Variants in COQ10B observed in about 807,000 individuals in gnomAD.
The protein encoded by COQ10B is coenzyme Q-binding protein COQ10 homolog B, mitochondrial.
A neutral mutation model predicts 27.6 loss-of-function variants in COQ10B; 12 were observed. That is an observed-to-expected ratio of 0.43 (90% confidence interval 0.28 to 0.70). The LOEUF (loss-of-function observed/expected upper bound fraction) is 0.70, where lower values mean the gene tolerates loss of function less well. COQ10B is among the 30% of genes least tolerant of loss of function. The pLI is 0.17. For synonymous variants in COQ10B, 115 were observed against 103.0 expected, an observed-to-expected ratio of 1.12 and a Z score of -0.71; for missense variants, 278 against 288.7, an observed-to-expected ratio of 0.96 and a Z score of 0.27.
Position 197,470,165 on chromosome 2 carries a change from T to C in COQ10B, c.543T>C (p.Asp181=). The C allele has an allele frequency of 1.3e-6, 2 of 1,598,020 alleles. No individual in the cohort carries two copies. Among genetic ancestry groups the C allele is most frequent in the Non-Finnish European group, 1.7e-6 (2 of 1,165,738 alleles). Residue 181 remains aspartate, a synonymous_variant, in exon 4 of 5, where the codon GAT becomes GAC. Transcript: ENST00000263960. ...LPGYPRTCTL[D]FSISFEFRSL... ...GCTACCCAAGAACTTGTACCTTGGA[T>C]TTTTCAGTAAGTCTCATAAAGCCCT...
In COQ10B at chr2:197,460,047, A is replaced by G. The variant is rs375172756; in HGVS notation, c.220A>G (p.Lys74Glu). ...CAAAATCACTGCACCATTAATAAAC[A>G]AAAGGAAAGAATATTCAGAGAGAAG... ...FFKITAPLIN[K>E]RKEYSERRIL... Residue 74 changes from lysine (K) to glutamate (E), a missense_variant, in exon 2 of 5, where the codon AAA (lysine) becomes GAA (glutamate). Physicochemically the swap from Lys to Glu is moderately conservative, Grantham distance 56 (BLOSUM62 1). Coordinates refer to ENST00000263960, the MANE Select transcript of COQ10B (RefSeq NM_025147.5). 4 of 1,609,814 alleles carry G rather than the reference A, an allele frequency of 2.5e-6. No homozygotes were observed. Among genetic ancestry groups the G allele is most frequent in the Non-Finnish European group, 3.4e-6 (4 of 1,177,550 alleles).
intron 1 of COQ10B, among the ~76,000 whole-genome samples, chr2:197,456,765 AAAAAAATAAATAAGT>A (rs2085703864): frequency 6.6e-6 from 1 of 152,018 alleles, no homozygotes; most frequent in East Asian, 1.9e-4. Flanking sequence ...ACTCCATCTC[AAAAAAATAAATAAGT>A]AAAAAATAAA....
At chr2:197,457,139 G>A (rs552650550) in intron 1 of COQ10B, among the ~76,000 whole-genome samples, 39 of 152,134 alleles carry the variant, frequency 2.6e-4, no homozygotes, top group Non-Finnish European at 4.7e-4. Context: ...AGAATCTGAT[G>A]CCACCGCTGA....
intron 3 of COQ10B, among the ~76,000 whole-genome samples, chr2:197,468,391 C>T (rs917220987): frequency 2.1e-5 from 3 of 139,940 alleles, no homozygotes; most frequent in African/African-American, 8.1e-5. Context: ...TGCAGTGAGT[C>T]GAGATCGCGC....
chr2:197,463,540 T>C (rs908134185), intron 3 of COQ10B, among the ~76,000 whole-genome samples: 10 of 149,502 alleles, frequency 6.7e-5, no homozygotes, highest in Admixed American at 2.0e-4. Context: ...CCCAAGAAGT[T>C]GAGGCTAGAG....
At chr2:197,463,996 T>TACACACACAC (rs1241115366) in intron 3 of COQ10B, among the ~76,000 whole-genome samples, 3 of 32,854 alleles carry the variant, frequency 9.1e-5, no homozygotes, top group Admixed American at 6.9e-4. Context: ...TATATATATA[T>TACACACACAC]ACACACACAC....
rs747166466 is a variant in COQ10B, at chr2:197,470,174, A to G, written c.549+3A>G. ...GAACTTGTACCTTGGATTTTTCAGT[A>G]AGTCTCATAAAGCCCTTGATTTGTT... On this transcript the variant is annotated splice_donor_region_variant and intron_variant, in intron 4 of 4. Coordinates refer to ENST00000263960, the MANE Select transcript of COQ10B (RefSeq NM_025147.5). 5.1e-6 allele frequency: 8 copies of G among 1,554,790 alleles called. No homozygotes were observed. In the Admixed American group the frequency reaches 6.7e-5, roughly 13 times the overall value.
Position 197,457,522 on chromosome 2 carries a change from C to A in COQ10B, c.105-2410C>A, listed in dbSNP as rs546381842. ...AAGCCATCTTGCTTTTTTATATTTT[C>A]ATTCATGAAGTGTTATTTATAGCTG... On this transcript the variant is annotated intron_variant, in intron 1 of 4. Coordinates refer to ENST00000263960, the MANE Select transcript of COQ10B (RefSeq NM_025147.5). Among the ~76,000 whole-genome samples the A allele has an allele frequency of 7.3e-4, 111 of 152,210 alleles. No homozygotes were observed. The South Asian group carries it at 0.021, about 29-fold the overall frequency.
intron 4 of COQ10B, among the ~76,000 whole-genome samples, chr2:197,473,239 A>C (rs2085897247): frequency 1.3e-5 from 2 of 151,438 alleles, no homozygotes; most frequent in Middle Eastern, 6.8e-3. Flanking sequence ...CCACTGTCCT[A>C]AGTGGAGATT....
At chr2:197,454,221 A>G in intron 1 of COQ10B, 1 of 1,267,792 alleles carries the variant, frequency 7.9e-7, no homozygotes, top group South Asian at 1.6e-5. Context: ...GTAACCTTGA[A>G]GCATAGTCAG....
At chr2:197,462,198 G>C (rs980846215) in intron 2 of COQ10B, among the ~76,000 whole-genome samples, 2 of 151,470 alleles carry the variant, frequency 1.3e-5, no homozygotes, top group Non-Finnish European at 2.9e-5. Flanking sequence ...GAACCCGGGA[G>C]GTGGAGGTTG....
intron 1 of COQ10B, among the ~76,000 whole-genome samples, chr2:197,458,209 T>C (rs1446125541): frequency 6.6e-6 from 1 of 151,994 alleles, no homozygotes; most frequent in African/African-American, 2.4e-5. Flanking sequence ...TATATGTATG[T>C]ACATATGTAT....
chr2:197,461,168 C>T (rs1274857276), intron 2 of COQ10B, among the ~76,000 whole-genome samples: 1 of 152,150 alleles, frequency 6.6e-6, no homozygotes, highest in African/African-American at 2.4e-5. Flanking sequence ...TAAGGTAATG[C>T]TAACAGCCCT....
intron 1 of COQ10B, among the ~76,000 whole-genome samples, chr2:197,456,581 A>G (rs1158504692): frequency 6.6e-6 from 1 of 150,404 alleles, no homozygotes; most frequent in East Asian, 2.0e-4. Context: ...TGGCTAACAC[A>G]GTGAAACCCC....
chr2:197,458,302 A>G (rs1201312327), intron 1 of COQ10B, among the ~76,000 whole-genome samples: 2 of 152,088 alleles, frequency 1.3e-5, no homozygotes, highest in African/African-American at 4.8e-5. Context: ...ATACACACGC[A>G]CACACACAGT....
In COQ10B at chr2:197,456,955, G is replaced by C. The variant is rs111594598; in HGVS notation, c.105-2977G>C. Among the ~76,000 whole-genome samples, 1,376 of 151,458 alleles carry C rather than the reference G, an allele frequency of 9.1e-3. 26 individuals are homozygous for C. Among genetic ancestry groups the C allele is most frequent in the African/African-American group, 0.032 (1,309 of 41,314 alleles). ...CGATTTCCCAACCTTTTTGGCACCAGAGAACAGTTTTGTGGAAGACAGTTT... is the reference window on the plus strand; with the variant it reads ...CGATTTCCCAACCTTTTTGGCACCACAGAACAGTTTTGTGGAAGACAGTTT... On this transcript the variant is annotated intron_variant, in intron 1 of 4. Coordinates refer to ENST00000263960, the MANE Select transcript of COQ10B (RefSeq NM_025147.5).
At chr2:197,454,223 C>T (rs1271163313) in intron 1 of COQ10B, 11 of 1,262,964 alleles carry the variant, frequency 8.7e-6, no homozygotes, top group South Asian at 1.6e-5. Flanking sequence ...AACCTTGAAG[C>T]ATAGTCAGCT....
intron 4 of COQ10B, among the ~76,000 whole-genome samples, chr2:197,473,038 C>A (rs1422774182): frequency 6.6e-6 from 1 of 152,016 alleles, no homozygotes; most frequent in African/African-American, 2.4e-5. Context: ...TTTTTCCAGT[C>A]TTCTCTTATT....
chr2:197,461,847 G>A (rs1353349229), intron 2 of COQ10B, among the ~76,000 whole-genome samples: 3 of 151,884 alleles, frequency 2.0e-5, no homozygotes, highest in Non-Finnish European at 4.4e-5. Flanking sequence ...TACCATGTCG[G>A]CCAGGCTGGT....
Sources: gnomAD v4.1 joint callset for allele counts (sites outside exome capture counted in the v4.1 genomes callset) on GRCh38, gnomAD v4.1.1 for gene constraint, MANE v1.5 for transcripts, NCBI Gene and HGNC (gene_info 2026-07-23, HGNC 2026-07-21) for gene names.